GRID1: variants seen among roughly 807,000 people sequenced by gnomAD.
GRID1 encodes glutamate receptor ionotropic, delta-1.
A neutral mutation model predicts 98.0 loss-of-function variants in GRID1; 28 were observed. The ratio of observed to expected loss-of-function variants is 0.29; its 90% CI spans 0.21 to 0.39. The LOEUF (loss-of-function observed/expected upper bound fraction) is 0.39. Among genes scored for constraint, GRID1 ranks in the 10% least tolerant of loss-of-function variants. GRID1 has a pLI of 1.00. For synonymous variants in GRID1, 553 were observed against 538.5 expected (o/e 1.03, Z -0.37); for missense variants, 1,111 against 1,340.5 (o/e 0.83, Z 2.67).
intron 8 of GRID1, among the ~76,000 whole-genome samples, chr10:85,810,588 C>T (rs1842662832): frequency 6.6e-6 from 1 of 152,182 alleles, no homozygotes; most frequent in Admixed American, 6.5e-5. Context: ...CCATTCCAGG[C>T]AGACCTGGCC....
At chr10:85,852,894 C>T (rs1253549065) in intron 8 of GRID1, among the ~76,000 whole-genome samples, 4 of 152,110 alleles carry the variant, frequency 2.6e-5, no homozygotes, top group Non-Finnish European at 4.4e-5. Context: ...AGTTGCTAGC[C>T]GACTCCCTCT....
At chr10:85,988,130 G>A (rs938419649) in intron 4 of GRID1, among the ~76,000 whole-genome samples, 2 of 152,020 alleles carry the variant, frequency 1.3e-5, no homozygotes, top group African/African-American at 4.8e-5. Flanking sequence ...CTCAAGTGTT[G>A]CCTCCTCTTC....
At chr10:85,843,790 G>T (rs1842981849) in intron 8 of GRID1, among the ~76,000 whole-genome samples, 1 of 152,036 alleles carries the variant, frequency 6.6e-6, no homozygotes, top group Non-Finnish European at 1.5e-5. Context: ...ATCACAAAAT[G>T]CAGGTGAGGA....
At chr10:86,314,761 G>A (rs887438129) in intron 2 of GRID1, among the ~76,000 whole-genome samples, 1 of 152,212 alleles carries the variant, frequency 6.6e-6, no homozygotes, top group Non-Finnish European at 1.5e-5. Context: ...TGTGCCAGCT[G>A]TCCTAGCCCT....
At chr10:86,215,109 G>C (rs1292850049) in intron 2 of GRID1, among the ~76,000 whole-genome samples, 1 of 152,244 alleles carries the variant, frequency 6.6e-6, no homozygotes, top group Non-Finnish European at 1.5e-5. Flanking sequence ...GGGGAGGGAA[G>C]AGGTATGAGC....
intron 8 of GRID1, among the ~76,000 whole-genome samples, chr10:85,772,633 A>G (rs1424302597): frequency 1.3e-5 from 2 of 152,238 alleles, no homozygotes; most frequent in Non-Finnish European, 2.9e-5. Flanking sequence ...AAAAATGATA[A>G]AAGGGATATC....
At chr10:86,059,260 T>C (rs892752760) in intron 4 of GRID1, among the ~76,000 whole-genome samples, 3 of 152,144 alleles carry the variant, frequency 2.0e-5, no homozygotes, top group South Asian at 2.1e-4. Context: ...AGGGGCCTGA[T>C]TACATCATGA....
chr10:86,161,158 G>C (rs780448895), intron 3 of GRID1, among the ~76,000 whole-genome samples: 3 of 152,174 alleles, frequency 2.0e-5, no homozygotes, highest in South Asian at 2.1e-4. Context: ...CAACCCCGGT[G>C]ACCCAAAGAA....
At chr10:85,734,761 G>A (rs1841861038) in intron 8 of GRID1, among the ~76,000 whole-genome samples, 1 of 152,136 alleles carries the variant, frequency 6.6e-6, no homozygotes, top group Non-Finnish European at 1.5e-5. Context: ...CTTAAGACAA[G>A]AGTGGTAAAC....
chr10:85,790,783 G>A (rs889473522), intron 8 of GRID1, among the ~76,000 whole-genome samples: 8 of 152,126 alleles, frequency 5.3e-5, no homozygotes, highest in Non-Finnish European at 1.2e-4. Context: ...AGGGCCACCC[G>A]GCTTCTCAAC....
chr10:86,177,352 T>C (rs1252371073), intron 3 of GRID1, among the ~76,000 whole-genome samples: 14 of 152,116 alleles, frequency 9.2e-5, no homozygotes. Flanking sequence ...CTTACTTCTC[T>C]GGAGGCTTCA....
intron 8 of GRID1, among the ~76,000 whole-genome samples, chr10:85,800,702 A>T (rs1394470282): frequency 6.6e-6 from 1 of 152,096 alleles, no homozygotes; most frequent in Non-Finnish European, 1.5e-5. Context: ...AAATTAACAC[A>T]ATTATTTATT....
intron 5 of GRID1, among the ~76,000 whole-genome samples, chr10:85,900,321 A>T (rs950855655): frequency 6.6e-6 from 1 of 152,216 alleles, no homozygotes; most frequent in Non-Finnish European, 1.5e-5. Flanking sequence ...GTGTAATAAC[A>T]GGGTAGAAGG....
intron 2 of GRID1, among the ~76,000 whole-genome samples, chr10:86,350,280 A>G (rs1012992399): frequency 6.6e-6 from 1 of 152,090 alleles, no homozygotes; most frequent in Non-Finnish European, 1.5e-5. Context: ...TGCAATGGGG[A>G]GCCATTGAAG....
At chr10:85,880,737 A>G (rs1402412186) in intron 5 of GRID1, among the ~76,000 whole-genome samples, 3 of 151,740 alleles carry the variant, frequency 2.0e-5, no homozygotes, top group Admixed American at 2.0e-4. Context: ...CCCTCTCACC[A>G]CTCCTATTCA....
intron 13 of GRID1, chr10:85,645,725 C>T (rs1449884009): frequency 6.6e-6 from 1 of 152,242 alleles, no homozygotes; most frequent in African/African-American, 2.4e-5. Context: ...AGAGCCTAGA[C>T]ATCTTCTGCT....
chr10:86,331,596 G>A (rs570907201), intron 2 of GRID1, among the ~76,000 whole-genome samples: 2 of 152,308 alleles, frequency 1.3e-5, no homozygotes, highest in African/African-American at 4.8e-5. Context: ...GAGACTCCTA[G>A]TCTCCCCAAA....
At chr10:85,950,008 T>G (rs759345513) in intron 4 of GRID1, among the ~76,000 whole-genome samples, 1 of 151,918 alleles carries the variant, frequency 6.6e-6, no homozygotes, top group Non-Finnish European at 1.5e-5. Flanking sequence ...GGATGATAAA[T>G]GGATGGGTAG....
intron 4 of GRID1, among the ~76,000 whole-genome samples, chr10:86,065,296 G>A (rs1843704706): frequency 1.3e-5 from 2 of 152,234 alleles, no homozygotes; most frequent in African/African-American, 4.8e-5. Context: ...TTAGAGCCCA[G>A]AAGTCTGTGC....
Sources: allele counts gnomAD v4.1 joint callset (sites outside exome capture counted in the v4.1 genomes callset), GRCh38; gene constraint gnomAD v4.1.1; transcripts MANE v1.5; gene names NCBI Gene and HGNC (gene_info 2026-07-23, HGNC 2026-07-21).